The following CLMN variants were observed in gnomAD, a reference collection of about 807,000 sequenced individuals.
CLMN encodes calmin (calponin-like, transmembrane).
In CLMN, 57 loss-of-function variants were observed where a neutral mutation model predicts 92.7. The ratio of observed to expected loss-of-function variants is 0.61; its 90% CI spans 0.50 to 0.77. The LOEUF (loss-of-function observed/expected upper bound fraction) is 0.77, where lower values mean the gene tolerates loss of function less well. Among genes scored for constraint, CLMN ranks in the 30% least tolerant of loss-of-function variants. The pLI, the probability that CLMN is intolerant of heterozygous loss-of-function variation, is 0.00. For synonymous variants in CLMN, 466 were observed against 470.6 expected, an observed-to-expected ratio of 0.99 and a Z score of 0.13; for missense variants, 1,158 against 1,237.5, an observed-to-expected ratio of 0.94 and a Z score of 0.96.
chr14:95,292,521 G>A (rs1192970519), intron 1 of CLMN, among the ~76,000 whole-genome samples: 1 of 145,040 alleles, frequency 6.9e-6, no homozygotes, highest in African/African-American at 2.6e-5. Flanking sequence ...AAGCCTTACT[G>A]TCTCCCTTAT....
chr14:95,210,899 G>C lies in CLMN; in HGVS notation c.609-20C>G. On this transcript the variant is annotated intron_variant, in intron 6 of 12. Coordinates refer to ENST00000298912, the MANE Select transcript of CLMN (RefSeq NM_024734.4). ...CCATACCTGAAGGAAAAACAGCAGC[G>C]GCGGCCAGGATGCTGGTTAGTAAAC... is the stretch of plus-strand genomic sequence containing the variant. 6.7e-7 allele frequency: 1 copy of C among 1,493,758 alleles called. No individual in the cohort carries two copies. Among genetic ancestry groups the C allele is most frequent in the Non-Finnish European group, 8.9e-7 (1 of 1,128,276 alleles). The allele number at this position is 1,493,758 out of a possible 1,614,324, so 92.5% of individuals were successfully genotyped here.
intron 1 of CLMN, among the ~76,000 whole-genome samples, chr14:95,302,770 A>G (rs1901113325): frequency 6.6e-6 from 1 of 152,254 alleles, no homozygotes; most frequent in South Asian, 2.1e-4. Flanking sequence ...AGAGACCAAC[A>G]CACCACAAGG....
At chr14:95,276,376 G>C (rs1186976006) in intron 1 of CLMN, among the ~76,000 whole-genome samples, 2 of 152,160 alleles carry the variant, frequency 1.3e-5, no homozygotes, top group East Asian at 1.9e-4. Flanking sequence ...CTGCCTTTGC[G>C]CTCTTTGCTG....
chr14:95,295,560 AAGAAGGGACACTGG>A (rs1485680627), intron 1 of CLMN, among the ~76,000 whole-genome samples: 15 of 152,228 alleles, frequency 9.9e-5, no homozygotes, highest in African/African-American at 3.6e-4. Context: ...GAGGACTCAG[AAGAAGGGACACTGG>A]ACTAGCCCTC....
chr14:95,275,043 CAG>C (rs1299379928), intron 1 of CLMN, among the ~76,000 whole-genome samples: 2 of 151,620 alleles, frequency 1.3e-5, no homozygotes, highest in Non-Finnish European at 2.9e-5. Context: ...TACTGTAGGC[CAG>C]ATAGTGGTCT....
At chr14:95,223,372 C>G (rs1897608826) in intron 3 of CLMN, among the ~76,000 whole-genome samples, 1 of 152,174 alleles carries the variant, frequency 6.6e-6, no homozygotes, top group Non-Finnish European at 1.5e-5. Context: ...AAAGAATGTT[C>G]TAGAAGCCAG....
In CLMN at chr14:95,204,461, T is replaced by C; in HGVS notation, c.888A>G (p.Glu296=). The C allele has an allele frequency of 6.5e-7, 1 of 1,530,958 alleles. No homozygotes were observed. 94.8% of individuals were successfully genotyped at this position (1,530,958 alleles called of 1,614,324 possible). The change falls in exon 9 of 13, where the codon GAA becomes GAG. Residue 296 remains glutamate, a splice_region_variant and synonymous_variant. Coordinates refer to ENST00000298912, the MANE Select transcript of CLMN (RefSeq NM_024734.4). ...FLERFPELEA[E]DIFDSDKEVP... ...CTTCTTTATCTGAATCGAAAATATC[T>C]TCCTGCAAAAAAAAACAAAAACAAA...
chr14:95,228,340 C>A (rs879413282), intron 2 of CLMN, among the ~76,000 whole-genome samples: 16 of 152,128 alleles, frequency 1.1e-4, no homozygotes, highest in Non-Finnish European at 2.2e-4. Flanking sequence ...AGGAGCATTG[C>A]CGAAAATGTG....
In CLMN at chr14:95,191,430, G is replaced by T; in HGVS notation, c.*134C>A. On this transcript the variant is annotated 3_prime_UTR_variant, in exon 13 of 13. Coordinates refer to ENST00000298912, the MANE Select transcript of CLMN (RefSeq NM_024734.4). The surrounding 1 kb of genome is among the most constrained non-coding windows in gnomAD (Gnocchi z 5.3). ...TGAAAAAAAAAAAAAAACCACAATA[G>T]CGAGAAAGGGGGTCTAAGTTTCCTC... 2 of 485,998 alleles carry T rather than the reference G, an allele frequency of 4.1e-6. No individual in the cohort carries two copies. The highest frequency in any genetic ancestry group is 6.6e-6 in the Non-Finnish European group (2 of 301,324). The allele number at this position is 485,998 out of a possible 1,614,324, so 30.1% of individuals were successfully genotyped here.
intron 1 of CLMN, among the ~76,000 whole-genome samples, chr14:95,283,979 T>TCA (rs2140745615): frequency 6.6e-6 from 1 of 152,280 alleles, no homozygotes; most frequent in East Asian, 1.9e-4. Flanking sequence ...TCAGAGACCT[T>TCA]CATGGCAGCC....
In CLMN at chr14:95,254,970, G is replaced by C. The variant is rs140868881; in HGVS notation, c.83-24837C>G. ...TTGCTGGGATTGAGCCACCCCACCT[G>C]GCCTGGAGCTAGGATCTTTAAAGAG... On this transcript the variant is annotated intron_variant, in intron 1 of 12. Coordinates refer to ENST00000298912, the MANE Select transcript of CLMN (RefSeq NM_024734.4). Among the ~76,000 whole-genome samples, 272 of 152,290 alleles carry C rather than the reference G, an allele frequency of 1.8e-3. 1 individual carries two copies. Among genetic ancestry groups the C allele is most frequent in the Middle Eastern group, 6.8e-3 (2 of 294 alleles).
chr14:95,314,284 T>G (rs1270566528), intron 1 of CLMN, among the ~76,000 whole-genome samples: 1 of 152,146 alleles, frequency 6.6e-6, no homozygotes. Context: ...CCACGTGTAC[T>G]TGTATAGCAA....
chr14:95,268,120 T>C (rs550126372), intron 1 of CLMN, among the ~76,000 whole-genome samples: 1 of 152,290 alleles, frequency 6.6e-6, no homozygotes, highest in South Asian at 2.1e-4. Flanking sequence ...ACAGTGACTA[T>C]GGTTGATAAT....
intron 3 of CLMN, 66 bp from the exon 4 acceptor site, chr14:95,221,840 G>C: frequency 7.0e-7 from 1 of 1,420,748 alleles, no homozygotes; most frequent in Non-Finnish European, 9.7e-7. Flanking sequence ...ACACCCAGCG[G>C]TGCTGCTGGG....
intron 1 of CLMN, among the ~76,000 whole-genome samples, chr14:95,290,766 C>T (rs376425396): frequency 5.1e-4 from 78 of 152,282 alleles, no homozygotes; most frequent in African/African-American, 1.8e-3. Context: ...CCTAGGAAAC[C>T]CACGGACCTC....
chr14:95,274,034 C>T (rs1049539949), intron 1 of CLMN, among the ~76,000 whole-genome samples: 5 of 152,158 alleles, frequency 3.3e-5, no homozygotes, highest in Admixed American at 2.0e-4. Flanking sequence ...GGTCCTTTAC[C>T]GATGTAGTTC....
intron 1 of CLMN, among the ~76,000 whole-genome samples, chr14:95,311,721 A>C (rs1260313978): frequency 2.0e-5 from 3 of 151,866 alleles, no homozygotes; most frequent in Non-Finnish European, 2.9e-5. Flanking sequence ...CCTGCTGAGG[A>C]GCTTGCTGGG....
intron 1 of CLMN, among the ~76,000 whole-genome samples, chr14:95,247,098 A>G (rs1898602793): frequency 6.9e-6 from 1 of 145,410 alleles, no homozygotes; most frequent in Non-Finnish European, 1.5e-5. Flanking sequence ...GTACTCAGGA[A>G]TCAGTGTGGG....
At chr14:95,252,995 T>C (rs1898850202) in intron 1 of CLMN, among the ~76,000 whole-genome samples, 1 of 152,224 alleles carries the variant, frequency 6.6e-6, no homozygotes, top group African/African-American at 2.4e-5. Flanking sequence ...GTGAGTTCAC[T>C]GAGTACTTCT....
Sources: gnomAD v4.1 joint callset for allele counts (sites outside exome capture counted in the v4.1 genomes callset) on GRCh38, gnomAD v4.1.1 for gene constraint, Gnocchi (gnomAD v3.1) non-coding constraint, MANE v1.5 for transcripts, NCBI Gene and HGNC (gene_info 2026-07-23, HGNC 2026-07-21) for gene names.